The following GTF2IRD2B variants were observed in gnomAD, a reference collection of about 807,000 sequenced individuals.
The protein encoded by GTF2IRD2B is general transcription factor II-I repeat domain-containing protein 2B.
GTF2IRD2B carries 10 observed loss-of-function variants against 55.6 expected under a neutral mutation model. The ratio of observed to expected loss-of-function variants is 0.18; its 90% CI spans 0.11 to 0.31. The LOEUF (loss-of-function observed/expected upper bound fraction) is 0.31, where lower values mean the gene tolerates loss of function less well. GTF2IRD2B is among the 10% of genes least tolerant of loss of function. GTF2IRD2B has a pLI of 1.00. For missense variants in GTF2IRD2B, 206 were observed against 802.7 expected, an observed-to-expected ratio of 0.26 and a Z score of 8.98; for synonymous variants, 107 against 320.5, an observed-to-expected ratio of 0.33 and a Z score of 7.12.
intron 1 of GTF2IRD2B, among the ~76,000 whole-genome samples, chr7:75,101,217 T>C (rs1331623683): frequency 2.9e-5 from 4 of 136,272 alleles, no homozygotes; most frequent in African/African-American, 1.1e-4. Flanking sequence ...TAAATAAATA[T>C]GATAAAAACT....
intron 1 of GTF2IRD2B, among the ~76,000 whole-genome samples, chr7:75,092,979 AG>A (rs1807303161): frequency 6.6e-6 from 1 of 152,270 alleles, no homozygotes; most frequent in South Asian, 2.1e-4. Flanking sequence ...GGGGCGGGGA[AG>A]CCTTGCCGCG....
At chr7:75,104,978 G>A (rs1554421326) in intron 1 of GTF2IRD2B, among the ~76,000 whole-genome samples, 8,491 of 150,282 alleles carry the variant, frequency 0.057, 63 homozygotes, top group South Asian at 0.078. Flanking sequence ...CAGGAAGATC[G>A]CTTGAGCCCA....
intron 3 of GTF2IRD2B, chr7:75,120,506 C>G (rs1385182503): frequency 7.9e-6 from 1 of 126,560 alleles, no homozygotes; most frequent in South Asian, 6.1e-5. Flanking sequence ...ATAGTGAGAT[C>G]CCATCTCTAA....
chr7:75,147,540 G>A (rs587764463), intron 15 of GTF2IRD2B, among the ~76,000 whole-genome samples, 154 bp from the exon 16 acceptor site: 37 of 151,972 alleles, frequency 2.4e-4, no homozygotes, highest in Non-Finnish European at 4.0e-4. Flanking sequence ...AGGGTCAGCC[G>A]TCCCTCTGCA....
intron 1 of GTF2IRD2B, among the ~76,000 whole-genome samples, chr7:75,107,301 C>T (rs1248625539): frequency 1.3e-5 from 2 of 152,262 alleles, no homozygotes; most frequent in Admixed American, 6.5e-5. Context: ...GCGGGCCGGG[C>T]GCGGTGGCTC....
chr7:75,132,555 T>C (rs190581521), intron 8 of GTF2IRD2B, among the ~76,000 whole-genome samples: 2 of 120,578 alleles, frequency 1.7e-5, no homozygotes, highest in African/African-American at 3.6e-5. Flanking sequence ...CTTCTTTTTT[T>C]TTTTTTTTTT....
chr7:75,115,644 A>C (rs1407225368), intron 3 of GTF2IRD2B, among the ~76,000 whole-genome samples: 1 of 137,820 alleles, frequency 7.3e-6, no homozygotes, highest in African/African-American at 2.7e-5. Context: ...CATGTTGGCC[A>C]GGATGGTCTT....
chr7:75,120,053 C>T lies in GTF2IRD2B; in HGVS notation c.239-838C>T, dbSNP rs1381017214. Among the ~76,000 whole-genome samples the T allele has an allele frequency of 2.3e-5, 3 of 129,160 alleles. 1 individual carries two copies. The highest frequency in any genetic ancestry group is 1.5e-4 in the Admixed American group (2 of 13,376). 84.7% of individuals were successfully genotyped at this position (129,160 alleles called of 152,430 possible). A position where few individuals can be genotyped will look rare whatever the true frequency, so the allele number is the denominator to read the frequency against. ...CTGAGGCAGGAGAATGGCGTGAACC[C>T]GGGAGGCAGAACTTGCAGTGAGTGG... On this transcript the variant is annotated intron_variant, in intron 3 of 15. Transcript: ENST00000472837.
chr7:75,105,469 A>C (rs2115701457), intron 1 of GTF2IRD2B, among the ~76,000 whole-genome samples: 1 of 152,428 alleles, frequency 6.6e-6, no homozygotes, highest in East Asian at 1.9e-4. Flanking sequence ...GTGCCACTGC[A>C]CTCTAGCCTG....
intron 1 of GTF2IRD2B, among the ~76,000 whole-genome samples, chr7:75,093,545 G>A (rs1224486247): frequency 1.3e-5 from 2 of 152,266 alleles, no homozygotes; most frequent in African/African-American, 4.8e-5. Flanking sequence ...AACCCCATTA[G>A]GCCGTCATTC....
Position 75,149,573 on chromosome 7 carries a change from T to C in GTF2IRD2B, c.*276T>C, listed in dbSNP as rs1809267355. 1 of 396,716 alleles carries C rather than the reference T, an allele frequency of 2.5e-6. No individual in the cohort carries two copies. The highest frequency in any genetic ancestry group is 2.1e-5 in the African/African-American group (1 of 48,024). The allele number at this position is 396,716 out of a possible 1,614,324, so 24.6% of individuals were successfully genotyped here. On this transcript the variant is annotated 3_prime_UTR_variant, in exon 16 of 16. Coordinates refer to ENST00000472837, the MANE Select transcript of GTF2IRD2B (RefSeq NM_001003795.3). ...TTTTTGTATTAGTAGAGATGAGGTT[T>C]CACCATGTTGGCCAGGCTGGTCTCC...
chr7:75,102,096 G>T (rs1221493396), intron 1 of GTF2IRD2B, among the ~76,000 whole-genome samples: 3 of 150,384 alleles, frequency 2.0e-5, no homozygotes, highest in Admixed American at 2.0e-4. Context: ...TCCGCCTCCC[G>T]GGTTCAAGAG....
rs1554536766 is a variant in GTF2IRD2B, at chr7:75,119,903, C to A, written c.239-988C>A. ...CAGCACTTTGGGAGGCCGAGGCAGG[C>A]GGATCACGAGGTCAGGAGATCGAGA... On this transcript the variant is annotated intron_variant, in intron 3 of 15. Coordinates refer to ENST00000472837, the MANE Select transcript of GTF2IRD2B (RefSeq NM_001003795.3). Among the ~76,000 whole-genome samples, 4 of 120,168 alleles carry A rather than the reference C, an allele frequency of 3.3e-5. 1 individual carries two copies. The highest frequency in any genetic ancestry group is 6.8e-5 in the Non-Finnish European group (4 of 59,046). 78.8% of individuals were successfully genotyped at this position (120,168 alleles called of 152,430 possible). A position where few individuals can be genotyped will look rare whatever the true frequency, so the allele number is the denominator to read the frequency against.
chr7:75,123,354 T>A (rs1808446562), intron 5 of GTF2IRD2B, 35 bp downstream of exon 5: 1 of 756,370 alleles, frequency 1.3e-6, no homozygotes, highest in Admixed American at 3.4e-5. Flanking sequence ...CTTCAGTTCA[T>A]TTAAAGATGA....
chr7:75,093,049 G>C (rs1426406165), intron 1 of GTF2IRD2B, among the ~76,000 whole-genome samples: 1 of 152,310 alleles, frequency 6.6e-6, no homozygotes, highest in Non-Finnish European at 1.5e-5. Context: ...GGCCGAGCGG[G>C]GGTGTGCGTG....
Position 75,105,214 on chromosome 7 carries a change from AAAC to A in GTF2IRD2B, c.-5-3741_-5-3739del, listed in dbSNP as rs1159897676. Among the ~76,000 whole-genome samples, 6 of 152,376 alleles carry A rather than the reference AAAC, an allele frequency of 3.9e-5. No homozygotes were observed. In the East Asian group the frequency reaches 9.6e-4, roughly 24 times the overall value. On this transcript the variant is annotated intron_variant, in intron 1 of 15. Coordinates refer to ENST00000472837, the MANE Select transcript of GTF2IRD2B (RefSeq NM_001003795.3). The stretch of plus-strand genomic sequence containing the variant: ...AAACAAAAAACAAAAAACAAAAAAA[AAAC>A]AACAGACCAGGCATGGTGGCTCTCA...
intron 4 of GTF2IRD2B, 93 bp from the exon 5 acceptor site, chr7:75,123,043 C>T: frequency 6.4e-7 from 1 of 1,568,436 alleles, no homozygotes; most frequent in Non-Finnish European, 8.6e-7. Flanking sequence ...GAGCGAGACT[C>T]TGTTTCTACA....
In GTF2IRD2B at chr7:75,102,026, G is replaced by A. The variant is rs1286942608; in HGVS notation, c.-5-6934G>A. On this transcript the variant is annotated intron_variant, in intron 1 of 15. Transcript: ENST00000472837. ...GTTTTGTTTTGTTTTTTTGTGAGAC[G>A]GAGTCTCACTCTGTTGCCCAGGCTG... Among the ~76,000 whole-genome samples the A allele has an allele frequency of 1.5e-4, 23 of 150,942 alleles. No homozygotes were observed. In the South Asian group the frequency reaches 2.9e-3, roughly 19 times the overall value.
At chr7:75,138,755 G>T (rs1554453755) in intron 11 of GTF2IRD2B, among the ~76,000 whole-genome samples, 195 bp from the exon 12 acceptor site, 1 of 97,806 alleles carries the variant, frequency 1.0e-5, no homozygotes, top group Non-Finnish European at 2.1e-5. Context: ...GACCGTGGGA[G>T]GTCGAGGATG....
Sources: gnomAD v4.1 joint callset for allele counts (sites outside exome capture counted in the v4.1 genomes callset) on GRCh38, gnomAD v4.1.1 for gene constraint, MANE v1.5 for transcripts, NCBI Gene and HGNC (gene_info 2026-07-23, HGNC 2026-07-21) for gene names.